The following ERBB4 variants were observed in gnomAD, a reference collection of about 807,000 sequenced individuals.
ERBB4 encodes erb-b2 receptor tyrosine kinase 4.
In ERBB4, 42 loss-of-function variants were observed where a neutral mutation model predicts 158.0. The observed-to-expected ratio is 0.27, with a 90% CI of 0.21 to 0.34. The LOEUF is 0.34. ERBB4 is among the 10% of genes least tolerant of loss of function. The pLI is 1.00. For synonymous variants in ERBB4, 583 were observed against 558.7 expected, an observed-to-expected ratio of 1.04 and a Z score of -0.61; for missense variants, 1,333 against 1,624.1, an observed-to-expected ratio of 0.82 and a Z score of 3.08.
rs189605171 is a variant in ERBB4, at chr2:212,422,916, G to A, written c.82+115533C>T. On this transcript the variant is annotated intron_variant, in intron 1 of 27. Coordinates refer to ENST00000342788, the MANE Select transcript of ERBB4 (RefSeq NM_005235.3). ...GACCTTACATCATTTTCAATGGGAA[G>A]TATATATCAGTCATTGCTAACAGCT... is the stretch of plus-strand genomic sequence containing the variant. Among the ~76,000 whole-genome samples, 1,106 of 152,232 alleles carry A rather than the reference G, an allele frequency of 7.3e-3. 8 individuals are homozygous for A. The highest frequency in any genetic ancestry group is 0.024 in the Middle Eastern group (7 of 294).
At chr2:211,615,670 T>C (rs1485529499) in intron 19 of ERBB4, among the ~76,000 whole-genome samples, 1 of 152,096 alleles carries the variant, frequency 6.6e-6, no homozygotes, top group Non-Finnish European at 1.5e-5. Context: ...TTTTTGCCTA[T>C]GGTAAAAATT....
chr2:212,374,760 A>G (rs1248993836), intron 1 of ERBB4, among the ~76,000 whole-genome samples: 1 of 151,986 alleles, frequency 6.6e-6, no homozygotes, highest in Non-Finnish European at 1.5e-5. Flanking sequence ...GAAACTAACA[A>G]ATAAAGAAAA....
In ERBB4 at chr2:211,855,917, TAAA is replaced by T. The variant is rs2077846743; in HGVS notation, c.422-67761_422-67759del. Among the ~76,000 whole-genome samples, 6 of 151,910 alleles carry T rather than the reference TAAA, an allele frequency of 3.9e-5. No homozygotes were observed. In the South Asian group the frequency reaches 1.2e-3, roughly 31 times the overall value. On this transcript the variant is annotated intron_variant, in intron 3 of 27. Transcript: ENST00000342788. ...TAAGATACTTATGTATGTAGAAAAA[TAAA>T]AAAGATTCTACAGATGAATGATTAA...
intron 3 of ERBB4, among the ~76,000 whole-genome samples, chr2:211,816,225 T>G (rs756405820): frequency 6.6e-6 from 1 of 152,078 alleles, no homozygotes; most frequent in Non-Finnish European, 1.5e-5. Flanking sequence ...ATTTAGCTGT[T>G]AATAAAATAT....
chr2:211,851,748 A>G (rs577640423), intron 3 of ERBB4, among the ~76,000 whole-genome samples: 1 of 152,064 alleles, frequency 6.6e-6, no homozygotes, highest in Non-Finnish European at 1.5e-5. Context: ...ATAGTGAAAA[A>G]GCAAATAAGA....
intron 1 of ERBB4, among the ~76,000 whole-genome samples, chr2:212,501,986 T>C (rs1690918301): frequency 6.6e-6 from 1 of 152,022 alleles, no homozygotes; most frequent in African/African-American, 2.4e-5. Flanking sequence ...TATACTTAGT[T>C]TTAATGTCTT....
chr2:211,537,676 T>C (rs2066692948), intron 20 of ERBB4, among the ~76,000 whole-genome samples: 2 of 151,916 alleles, frequency 1.3e-5, no homozygotes, highest in African/African-American at 2.4e-5. Context: ...CTTCCAAATA[T>C]AAAGTCCAAC....
rs190508420 is a variant in ERBB4, at chr2:211,595,128, T to C, written c.2301+24049A>G. Among the ~76,000 whole-genome samples the C allele has an allele frequency of 6.3e-4, 96 of 152,076 alleles. 1 individual carries two copies. Among genetic ancestry groups the C allele is most frequent in the African/African-American group, 1.9e-3 (79 of 41,356 alleles). Reference sequence around the variant, plus strand: ...AAGAAAGATTCAAATAAAATAGTCATTGAAGAAGTACAATATCATTTCTGG... The same window carrying C: ...AAGAAAGATTCAAATAAAATAGTCACTGAAGAAGTACAATATCATTTCTGG... On this transcript the variant is annotated intron_variant, in intron 19 of 27. Transcript: ENST00000342788.
At chr2:212,033,197 C>T (rs1309405835) in intron 2 of ERBB4, among the ~76,000 whole-genome samples, 1 of 151,926 alleles carries the variant, frequency 6.6e-6, no homozygotes, top group African/African-American at 2.4e-5. Context: ...ATTCCCAAAT[C>T]TTTCACTTAT....
At chr2:211,844,471 T>A (rs988101698) in intron 3 of ERBB4, among the ~76,000 whole-genome samples, 1 of 152,208 alleles carries the variant, frequency 6.6e-6, no homozygotes, top group African/African-American at 2.4e-5. Context: ...ATCTGACCCA[T>A]GTCTCTTGAT....
At chr2:211,768,978 T>A (rs2075625301) in intron 4 of ERBB4, among the ~76,000 whole-genome samples, 1 of 152,242 alleles carries the variant, frequency 6.6e-6, no homozygotes, top group African/African-American at 2.4e-5. Context: ...GCTTCCTTTT[T>A]AAACATAAGT....
intron 27 of ERBB4, 127 bp from the exon 28 acceptor site, chr2:211,384,187 C>T: frequency 2.9e-6 from 2 of 692,660 alleles, no homozygotes; most frequent in Non-Finnish European, 4.9e-6. Context: ...TTCATGATTT[C>T]TCACAACAAG....
intron 1 of ERBB4, among the ~76,000 whole-genome samples, chr2:212,343,298 T>C (rs2088812592): frequency 6.6e-6 from 1 of 152,154 alleles, no homozygotes; most frequent in Non-Finnish European, 1.5e-5. Context: ...GAAAATGAAG[T>C]CAATGCTGAG....
chr2:211,501,469 T>C (rs1003345496), intron 20 of ERBB4, among the ~76,000 whole-genome samples: 2 of 149,782 alleles, frequency 1.3e-5, no homozygotes, highest in African/African-American at 4.9e-5. Context: ...CCCATAAATA[T>C]GTACAATTGT....
chr2:211,446,150 G>A (rs571915115), intron 20 of ERBB4, among the ~76,000 whole-genome samples: 19 of 152,252 alleles, frequency 1.2e-4, no homozygotes, highest in African/African-American at 4.1e-4. Context: ...GGCCAAAGGA[G>A]GACCATTGGT....
At chr2:211,432,194 A>G (rs1362966456) in intron 20 of ERBB4, among the ~76,000 whole-genome samples, 2 of 152,234 alleles carry the variant, frequency 1.3e-5, no homozygotes, top group African/African-American at 4.8e-5. Context: ...TTGCAAATCA[A>G]TGCTGTGGGC....
At chr2:212,015,615 T>C (rs1353274462) in intron 2 of ERBB4, among the ~76,000 whole-genome samples, 1 of 152,188 alleles carries the variant, frequency 6.6e-6, no homozygotes, top group Non-Finnish European at 1.5e-5. Context: ...CAAATTGCTT[T>C]GTAATTATTT....
chr2:212,526,248 C>T (rs1692440102), intron 1 of ERBB4, among the ~76,000 whole-genome samples: 1 of 151,968 alleles, frequency 6.6e-6, no homozygotes, highest in Non-Finnish European at 1.5e-5. Context: ...ACAAAATTAG[C>T]TACATGCCAT....
intron 20 of ERBB4, among the ~76,000 whole-genome samples, chr2:211,459,906 A>C (rs2064486505): frequency 1.3e-5 from 2 of 152,100 alleles, no homozygotes; most frequent in South Asian, 4.2e-4. Flanking sequence ...CACATCGTGC[A>C]CTCTTGGTAT....
Sources: gnomAD v4.1 joint callset for allele counts (sites outside exome capture counted in the v4.1 genomes callset) on GRCh38, gnomAD v4.1.1 for gene constraint, MANE v1.5 for transcripts, NCBI Gene and HGNC (gene_info 2026-07-23, HGNC 2026-07-21) for gene names.